The following WDR41 variants were observed in gnomAD, a reference collection of about 807,000 sequenced individuals.
WDR41 encodes WD repeat domain 41.
Under a neutral mutation model 69.3 loss-of-function variants are expected in WDR41, and 63 were observed. The ratio of observed to expected loss-of-function variants is 0.91; its 90% CI spans 0.74 to 1.12. The LOEUF (loss-of-function observed/expected upper bound fraction) is 1.12. Ranked by LOEUF, WDR41 falls within the 50% of genes most tolerant of loss-of-function variation. The probability of loss-of-function intolerance (pLI) is 0.00; values close to 1 mark genes in which losing one functional copy is unlikely to be tolerated. For synonymous variants in WDR41, 185 were observed against 192.1 expected (o/e 0.96, Z 0.31); for missense variants, 543 against 534.5 (o/e 1.02, Z -0.16).
intron 1 of WDR41, among the ~76,000 whole-genome samples, chr5:77,504,479 A>G (rs1272516449): frequency 1.3e-5 from 2 of 152,236 alleles, no homozygotes; most frequent in Non-Finnish European, 2.9e-5. Context: ...TTCTGAAACT[A>G]TTCCAATCAA....
chr5:77,600,135 A>C (rs898650556), intron 1 of WDR41, among the ~76,000 whole-genome samples: 3 of 152,224 alleles, frequency 2.0e-5, no homozygotes, highest in Non-Finnish European at 4.4e-5. Context: ...TCATAGGTCA[A>C]ACATGGGTTT....
chr5:77,563,602 C>T (rs953440956), intron 1 of WDR41, among the ~76,000 whole-genome samples: 1 of 152,138 alleles, frequency 6.6e-6, no homozygotes, highest in Admixed American at 6.6e-5. Flanking sequence ...CAACTCATTA[C>T]TGAGTGCTTA....
intron 8 of WDR41, among the ~76,000 whole-genome samples, chr5:77,442,685 G>A (rs1487558638): frequency 2.0e-5 from 3 of 151,886 alleles, no homozygotes; most frequent in African/African-American, 7.3e-5. Context: ...GAGGTCTGGA[G>A]ATCGAGACCA....
Position 77,492,194 on chromosome 5 carries a change from G to A in WDR41, c.27C>T (p.Gly9=). Residue 9 remains glycine, a synonymous_variant, in exon 1 of 13, where the codon GGC becomes GGT. Transcript: ENST00000296679. ...CCTCGGCCAGTCCCTGCGGTTCTCGGCCTCCCCCGATCAGCCATCGCAACA... is the reference window on the plus strand; with the variant it reads ...CCTCGGCCAGTCCCTGCGGTTCTCGACCTCCCCCGATCAGCCATCGCAACA... The part of the protein sequence containing the change: MLRWLIGG[G]REPQGLAEKS... 1.9e-6 allele frequency: 3 copies of A among 1,612,436 alleles called. No individual in the cohort carries two copies. Among genetic ancestry groups the A allele is most frequent in the Non-Finnish European group, 2.5e-6 (3 of 1,179,476 alleles).
chr5:77,515,123 C>T (rs1230368945), intron 1 of WDR41, among the ~76,000 whole-genome samples: 2 of 152,078 alleles, frequency 1.3e-5, no homozygotes, highest in South Asian at 2.1e-4. Flanking sequence ...ACCTTATCAA[C>T]TTTTTAATTT....
intron 1 of WDR41, among the ~76,000 whole-genome samples, chr5:77,588,985 C>T (rs1381349944): frequency 2.0e-5 from 3 of 152,066 alleles, no homozygotes; most frequent in African/African-American, 7.2e-5. Context: ...GCAAAATCAT[C>T]AACAAGAAGC....
chr5:77,496,178 CT>C (rs1801931048), upstream of WDR41, among the ~76,000 whole-genome samples: 1 of 151,990 alleles, frequency 6.6e-6, no homozygotes. Flanking sequence ...TGGTGAAAGA[CT>C]GAAAGCTTCT....
chr5:77,485,435 AC>A (rs1337838166), intron 2 of WDR41, among the ~76,000 whole-genome samples: 2 of 152,218 alleles, frequency 1.3e-5, no homozygotes, highest in Non-Finnish European at 2.9e-5. Flanking sequence ...GTACAGCTTC[AC>A]CAACCATCCT....
intron 1 of WDR41, among the ~76,000 whole-genome samples, chr5:77,609,227 G>C (rs1744490282): frequency 1.3e-5 from 2 of 152,198 alleles, no homozygotes; most frequent in Admixed American, 6.5e-5. Context: ...CTGGGGGCAG[G>C]GCACAGACAA....
intron 1 of WDR41, among the ~76,000 whole-genome samples, chr5:77,501,049 G>A (rs556830661): frequency 1.3e-5 from 2 of 152,262 alleles, no homozygotes; most frequent in East Asian, 1.9e-4. Flanking sequence ...ACCCATGTAG[G>A]GCAAGCCTAA....
At chr5:77,508,497 A>G (rs937609849) in intron 1 of WDR41, among the ~76,000 whole-genome samples, 1 of 152,096 alleles carries the variant, frequency 6.6e-6, no homozygotes, top group South Asian at 2.1e-4. Flanking sequence ...TTCTGTACAC[A>G]TGGTTTTAGT....
At chr5:77,476,083 T>G (rs370041048) in intron 2 of WDR41, among the ~76,000 whole-genome samples, 2 of 150,560 alleles carry the variant, frequency 1.3e-5, no homozygotes, top group Admixed American at 6.7e-5. Flanking sequence ...CGATGGAAGA[T>G]GAAATGAATG....
intron 2 of WDR41, among the ~76,000 whole-genome samples, chr5:77,473,449 C>A (rs1442460930): frequency 4.4e-4 from 67 of 152,284 alleles, no homozygotes; most frequent in Non-Finnish European, 7.4e-5. Context: ...CAAATGGGAT[C>A]TAATTAAACT....
chr5:77,466,522 CT>C (rs1341941759), intron 2 of WDR41, among the ~76,000 whole-genome samples: 1 of 151,764 alleles, frequency 6.6e-6, no homozygotes. Context: ...AAAATACATA[CT>C]TTTTTTCTAA....
intron 2 of WDR41, among the ~76,000 whole-genome samples, chr5:77,482,793 T>C (rs1228193507): frequency 6.6e-6 from 1 of 151,810 alleles, no homozygotes; most frequent in Non-Finnish European, 1.5e-5. Flanking sequence ...ATAATGATTA[T>C]TTTCAGCTTA....
Position 77,440,928 on chromosome 5 carries a change from T to G in WDR41, c.767A>C (p.Gln256Pro), listed in dbSNP as rs1252871419. ...GTCCCAGAAGTTGCGTTCATAGGCC[T>G]GCATGGTCCAGTCCAGGGCATCCCA... ...IIWDALDWTM[Q>P]AYERNFWDPS... The change falls in exon 9 of 13, where the codon CAG becomes CCG. Residue 256 changes from glutamine (Q) to proline (P), a missense_variant. Transcript: ENST00000296679. The G allele has an allele frequency of 1.9e-6, 3 of 1,614,086 alleles. No individual in the cohort carries two copies. The highest frequency in any genetic ancestry group is 3.3e-5 in the Admixed American group (2 of 60,008).
At chr5:77,463,408 C>T (rs690280) in intron 3 of WDR41, among the ~76,000 whole-genome samples, 182 bp from the exon 4 acceptor site, 76,704 of 151,904 alleles carry the variant, frequency 0.5, 20,137 homozygotes, top group African/African-American at 0.64. Flanking sequence ...ACAGCCATAA[C>T]TATAGTTTTA....
At chr5:77,519,877 A>T (rs1311549367) in intron 1 of WDR41, among the ~76,000 whole-genome samples, 1 of 151,696 alleles carries the variant, frequency 6.6e-6, no homozygotes, top group Non-Finnish European at 1.5e-5. Context: ...TGGATTGCTC[A>T]TTGAAAATAT....
chr5:77,562,268 G>A (rs1012289119), intron 1 of WDR41, among the ~76,000 whole-genome samples: 11 of 152,148 alleles, frequency 7.2e-5, no homozygotes, highest in African/African-American at 2.4e-4. Flanking sequence ...CACCAACCAC[G>A]GGCTAAATAG....
Sources: allele counts gnomAD v4.1 joint callset (sites outside exome capture counted in the v4.1 genomes callset), GRCh38; gene constraint gnomAD v4.1.1; transcripts MANE v1.5; gene names NCBI Gene and HGNC (gene_info 2026-07-23, HGNC 2026-07-21).